SSH2: variants seen among roughly 807,000 people sequenced by gnomAD.
SSH2 encodes the protein slingshot protein phosphatase 2, also known as protein phosphatase Slingshot homolog 2.
Under a neutral mutation model 135.2 loss-of-function variants are expected in SSH2, and 37 were observed. That is an observed-to-expected ratio of 0.27 (90% CI 0.21 to 0.36). The LOEUF is 0.36. SSH2 is among the 10% of genes least tolerant of loss of function. SSH2 has a pLI of 1.00. For missense variants in SSH2, 1,408 were observed against 1,765.3 expected (o/e 0.80, Z 3.63); for synonymous variants, 628 against 646.2 (o/e 0.97, Z 0.43).
chr17:29,892,558 G>A (rs2066370001), intron 1 of SSH2, among the ~76,000 whole-genome samples: 1 of 151,976 alleles, frequency 6.6e-6, no homozygotes, highest in Non-Finnish European at 1.5e-5. Flanking sequence ...GACCCAAGTT[G>A]GTCTGAAGGT....
chr17:29,746,750 GA>G (rs1211517322), intron 3 of SSH2, among the ~76,000 whole-genome samples: 1 of 151,836 alleles, frequency 6.6e-6, no homozygotes, highest in Admixed American at 6.6e-5. Flanking sequence ...AAAATCAGAG[GA>G]AAAAAACTCT....
chr17:29,923,438 A>G (rs1162662879), intron 1 of SSH2, among the ~76,000 whole-genome samples: 1 of 151,584 alleles, frequency 6.6e-6, no homozygotes, highest in Non-Finnish European at 1.5e-5. Flanking sequence ...GGGCAACAGG[A>G]TGAGACCCCA....
chr17:29,739,682 C>G (rs1038388946), intron 3 of SSH2, among the ~76,000 whole-genome samples: 2 of 152,124 alleles, frequency 1.3e-5, no homozygotes, highest in Non-Finnish European at 2.9e-5. Context: ...CCATCAGATC[C>G]TAATAGGGCA....
At chr17:29,771,655 A>G (rs2041588104) in intron 3 of SSH2, among the ~76,000 whole-genome samples, 1 of 152,150 alleles carries the variant, frequency 6.6e-6, no homozygotes, top group African/African-American at 2.4e-5. Flanking sequence ...ACAACCTAGT[A>G]AGTAGGTAAG....
chr17:29,761,360 G>A lies in SSH2; in HGVS notation c.188+32534C>T, dbSNP rs536891943. ...GGCGCAGGCTGCGCGTGCACCCGGCGGCGGAGGCGGGCCCGCCGGGTCGCG... is the reference window on the plus strand; with the variant it reads ...GGCGCAGGCTGCGCGTGCACCCGGCAGCGGAGGCGGGCCCGCCGGGTCGCG... On this transcript the variant is annotated intron_variant, in intron 3 of 15. Transcript: ENST00000540801. 30 of 1,074,210 alleles carry A rather than the reference G, an allele frequency of 2.8e-5. No individual in the cohort carries two copies. The East Asian group carries it at 8.7e-4, about 31-fold the overall frequency. The allele number at this position is 1,074,210 out of a possible 1,614,324, so 66.5% of individuals were successfully genotyped here. A position where few individuals can be genotyped will look rare whatever the true frequency, so the allele number is the denominator to read the frequency against.
intron 2 of SSH2, among the ~76,000 whole-genome samples, chr17:29,818,243 T>G (rs1336845765): frequency 6.6e-6 from 1 of 151,904 alleles, no homozygotes; most frequent in Non-Finnish European, 1.5e-5. Context: ...ACCATGGGTA[T>G]TCTTCCTTTT....
chr17:29,798,710 T>C (rs770378688), intron 2 of SSH2, among the ~76,000 whole-genome samples: 6 of 152,204 alleles, frequency 3.9e-5, no homozygotes, highest in Admixed American at 6.5e-5. Flanking sequence ...CAGACAGCAT[T>C]TGAACCTTAC....
At chr17:29,701,881 A>C (rs2038997959) in intron 4 of SSH2, among the ~76,000 whole-genome samples, 1 of 147,734 alleles carries the variant, frequency 6.8e-6, no homozygotes, top group Non-Finnish European at 1.5e-5. Flanking sequence ...ACATTTGGCT[A>C]ATTTAAAATT....
chr17:29,639,769 A>T (rs2036070894), intron 14 of SSH2: 1 of 152,004 alleles, frequency 6.6e-6, no homozygotes, highest in Non-Finnish European at 1.5e-5. Flanking sequence ...GACTGTTTGG[A>T]TAGGTGGGGC....
intron 11 of SSH2, 30 bp from the exon 12 acceptor site, chr17:29,655,637 G>A: frequency 1.2e-6 from 2 of 1,604,224 alleles, no homozygotes; most frequent in African/African-American, 1.3e-5. Flanking sequence ...AGGTTAAGGA[G>A]TATTAGCAAA....
chr17:29,800,445 A>G (rs1346063672), intron 2 of SSH2, among the ~76,000 whole-genome samples: 2 of 152,180 alleles, frequency 1.3e-5, no homozygotes, highest in African/African-American at 2.4e-5. Context: ...CTATTCTAAC[A>G]AGTGCAGAAA....
chr17:29,876,861 G>A (rs1407000833), intron 1 of SSH2, among the ~76,000 whole-genome samples: 1 of 151,038 alleles, frequency 6.6e-6, no homozygotes, highest in East Asian at 2.0e-4. Flanking sequence ...AGCAAAAATG[G>A]ACAAATGGGA....
rs1194756970 is a variant in SSH2, at chr17:29,628,897, C to A, written c.*1944G>T. On this transcript the variant is annotated 3_prime_UTR_variant, in exon 16 of 16. Transcript: ENST00000540801. ...AGCTCCTCTTAAGACCCAGTGGCCC[C>A]AGTCTACCTTTTCTGCATCTTTTGG... 6.6e-6 allele frequency: 1 copy of A among 152,328 alleles called. No homozygotes were observed. The highest frequency in any genetic ancestry group is 1.5e-5 in the Non-Finnish European group (1 of 68,056). 9.4% of individuals were successfully genotyped at this position (152,328 alleles called of 1,614,324 possible).
intron 3 of SSH2, among the ~76,000 whole-genome samples, chr17:29,722,026 C>A (rs950990958): frequency 8.5e-5 from 13 of 152,220 alleles, no homozygotes; most frequent in African/African-American, 2.9e-4. Flanking sequence ...CCTGTAATCC[C>A]AGCACTTTGG....
intron 3 of SSH2, among the ~76,000 whole-genome samples, chr17:29,717,904 C>T (rs990976442): frequency 6.6e-6 from 1 of 152,148 alleles, no homozygotes; most frequent in Admixed American, 6.5e-5. Flanking sequence ...ATAAAAGGCC[C>T]TGAGGCAGAA....
At chr17:29,916,469 CTTTTT>C (rs60472572) in intron 1 of SSH2, among the ~76,000 whole-genome samples, 1 of 139,776 alleles carries the variant, frequency 7.2e-6, no homozygotes, top group Non-Finnish European at 1.6e-5. Flanking sequence ...TTTTTTCTTT[CTTTTT>C]TTTTTTTTTT....
At chr17:29,706,982 T>C (rs1172623324) in intron 3 of SSH2, 1 of 152,102 alleles carries the variant, frequency 6.6e-6, no homozygotes, top group Non-Finnish European at 1.5e-5. Context: ...TGAAACCCCG[T>C]CTCTACTAAA....
rs1242646951 is a variant in SSH2 at position 29,631,668 on chromosome 17, T to C, written c.3526A>G (p.Thr1176Ala). 2 of 1,614,196 alleles carry C rather than the reference T, an allele frequency of 1.2e-6. No individual in the cohort carries two copies. The highest frequency in any genetic ancestry group is 1.7e-5 in the Admixed American group (1 of 60,030). Residue 1176 changes from threonine to alanine, a missense_variant, in exon 16 of 16, where the codon ACT (threonine) becomes GCT (alanine). By Grantham distance (58) the Thr-to-Ala change is moderately conservative (BLOSUM62 0). Around this residue, in one of 3 missense-constraint regions of SSH2, gnomAD observed 1,080 missense variants for 1,144.5 expected, o/e 0.94. Coordinates refer to ENST00000540801, the MANE Select transcript of SSH2 (RefSeq NM_001282129.2). ...TGTTCTGCAGAGGGCTCATCTGTAG[T>C]GCTGCTCTGCTCTGTGAAGCCCTCC... ...HLEGFTEQSS[T>A]TDEPSAEQVS... is the part of the protein sequence containing the mutation.
intron 12 of SSH2, among the ~76,000 whole-genome samples, chr17:29,652,056 T>A (rs1344473276): frequency 6.6e-6 from 1 of 152,064 alleles, no homozygotes. Flanking sequence ...GCAGAAGAAT[T>A]GCTTGAACCC....
Sources: allele counts gnomAD v4.1 joint callset (sites outside exome capture counted in the v4.1 genomes callset), GRCh38; gene constraint gnomAD v4.1.1; regional missense constraint gnomAD v4.1.1; transcripts MANE v1.5; gene names NCBI Gene and HGNC (gene_info 2026-07-23, HGNC 2026-07-21).